The following PPP2R5A variants were observed in gnomAD, a reference collection of about 807,000 sequenced individuals.
PPP2R5A encodes the protein protein phosphatase 2 regulatory subunit B'alpha.
A neutral mutation model predicts 64.2 loss-of-function variants in PPP2R5A; 25 were observed. That is an observed-to-expected ratio of 0.39 (90% CI 0.28 to 0.54). The LOEUF (loss-of-function observed/expected upper bound fraction) is 0.54, where lower values mean the gene tolerates loss of function less well. Ranked by LOEUF, PPP2R5A falls within the 20% of genes least tolerant of loss-of-function variation. PPP2R5A has a pLI of 0.67. For synonymous variants in PPP2R5A, 198 were observed against 201.2 expected, an observed-to-expected ratio of 0.98 and a Z score of 0.13; for missense variants, 425 against 576.3, an observed-to-expected ratio of 0.74 and a Z score of 2.69.
At chr1:212,292,538 C>T (rs1031678387) in intron 1 of PPP2R5A, among the ~76,000 whole-genome samples, 1 of 152,162 alleles carries the variant, frequency 6.6e-6, no homozygotes, top group Non-Finnish European at 1.5e-5. Context: ...TTGGTGCTAT[C>T]TACCAGATGT....
intron 1 of PPP2R5A, among the ~76,000 whole-genome samples, chr1:212,320,794 G>A (rs1437102559): frequency 2.9e-5 from 4 of 140,012 alleles, no homozygotes; most frequent in Non-Finnish European, 6.3e-5. Context: ...CGGATGGTGC[G>A]GCTGGCCGGG....
chr1:212,316,361 T>C (rs1237856965), intron 1 of PPP2R5A, among the ~76,000 whole-genome samples: 1 of 152,130 alleles, frequency 6.6e-6, no homozygotes, highest in African/African-American at 2.4e-5. Context: ...TGGAGAAAGT[T>C]TGAGTGGTCT....
chr1:212,339,423 C>T (rs922225010), intron 3 of PPP2R5A, among the ~76,000 whole-genome samples: 6 of 152,046 alleles, frequency 3.9e-5, no homozygotes, highest in African/African-American at 9.7e-5. Context: ...GTGATCCACC[C>T]GCCTCAGGCT....
chr1:212,300,709 A>T (rs1477073169), intron 1 of PPP2R5A, among the ~76,000 whole-genome samples: 2 of 152,164 alleles, frequency 1.3e-5, no homozygotes, highest in Non-Finnish European at 2.9e-5. Flanking sequence ...GTTTGTGAAT[A>T]AAGTTTTTAT....
intron 3 of PPP2R5A, among the ~76,000 whole-genome samples, chr1:212,336,573 A>G (rs989203779): frequency 6.6e-6 from 1 of 152,210 alleles, no homozygotes; most frequent in Non-Finnish European, 1.5e-5. Context: ...AAAATTTGGC[A>G]TACAGTTTTT....
intron 2 of PPP2R5A, 28 bp from the exon 3 acceptor site, chr1:212,333,469 C>G: frequency 7.2e-7 from 1 of 1,386,222 alleles, no homozygotes; most frequent in Non-Finnish European, 9.8e-7. Context: ...CATACAACAA[C>G]GAACGTAAAA....
At chr1:212,286,314 C>G in intron 1 of PPP2R5A, 23 bp downstream of exon 1, 1 of 1,467,682 alleles carries the variant, frequency 6.8e-7, no homozygotes, top group Non-Finnish European at 9.0e-7. Flanking sequence ...GGCGCAGCCC[C>G]AGCAGCGAGC....
At chr1:212,324,162 A>G (rs1371993927) in intron 1 of PPP2R5A, among the ~76,000 whole-genome samples, 1 of 152,200 alleles carries the variant, frequency 6.6e-6, no homozygotes, top group Non-Finnish European at 1.5e-5. Context: ...TCATTAGACA[A>G]ATTTGTCATT....
At chr1:212,330,151 A>C (rs1659478869) in intron 2 of PPP2R5A, among the ~76,000 whole-genome samples, 1 of 152,190 alleles carries the variant, frequency 6.6e-6, no homozygotes, top group Admixed American at 6.5e-5. Flanking sequence ...TTAATAATTC[A>C]ACCTTATTTT....
chr1:212,340,299 A>G (rs900577612), intron 3 of PPP2R5A, among the ~76,000 whole-genome samples: 1 of 152,120 alleles, frequency 6.6e-6, no homozygotes, highest in Non-Finnish European at 1.5e-5. Context: ...CCTATTCCAC[A>G]GTGATACAGC....
intron 4 of PPP2R5A, among the ~76,000 whole-genome samples, chr1:212,343,183 C>G (rs1309194990): frequency 2.6e-5 from 4 of 152,072 alleles, no homozygotes; most frequent in Non-Finnish European, 5.9e-5. Context: ...GAACTCCTGG[C>G]CTCAAGGGAT....
At chr1:212,339,838 T>G (rs1256743233) in intron 3 of PPP2R5A, among the ~76,000 whole-genome samples, 1 of 151,934 alleles carries the variant, frequency 6.6e-6, no homozygotes, top group Non-Finnish European at 1.5e-5. Flanking sequence ...GGAGAGTAAA[T>G]AGGCTAATGC....
intron 1 of PPP2R5A, among the ~76,000 whole-genome samples, chr1:212,296,645 G>A (rs1164617614): frequency 6.6e-6 from 1 of 152,158 alleles, no homozygotes; most frequent in Non-Finnish European, 1.5e-5. Context: ...TAAAGTGCCT[G>A]CTTTTTGTCT....
At chr1:212,312,283 CAAT>C in intron 1 of PPP2R5A, among the ~76,000 whole-genome samples, 1 of 152,284 alleles carries the variant, frequency 6.6e-6, no homozygotes, top group Admixed American at 6.5e-5. Flanking sequence ...GATATTCACA[CAAT>C]GATGAAACTG....
intron 1 of PPP2R5A, among the ~76,000 whole-genome samples, chr1:212,289,971 G>A (rs1239984236): frequency 6.6e-6 from 1 of 152,188 alleles, no homozygotes; most frequent in Non-Finnish European, 1.5e-5. Context: ...TTTTTACCAA[G>A]CGAAGAAATC....
At chr1:212,350,170 ATAC>A (rs1659851128) in intron 8 of PPP2R5A, among the ~76,000 whole-genome samples, 1 of 152,218 alleles carries the variant, frequency 6.6e-6, no homozygotes, top group Non-Finnish European at 1.5e-5. Flanking sequence ...AAAAAATCAT[ATAC>A]TTAGTATTCT....
chr1:212,332,912 TA>T (rs772862885), intron 2 of PPP2R5A, among the ~76,000 whole-genome samples: 26 of 148,502 alleles, frequency 1.8e-4, no homozygotes, highest in Non-Finnish European at 1.8e-4. Context: ...TTTTTATTTT[TA>T]TTTTTGGAGA....
chr1:212,350,579 A>G (rs1265775113), intron 8 of PPP2R5A, among the ~76,000 whole-genome samples: 2 of 151,736 alleles, frequency 1.3e-5, no homozygotes, highest in African/African-American at 4.8e-5. Context: ...GCTTGAATCC[A>G]GGAGGCGTAG....
intron 1 of PPP2R5A, among the ~76,000 whole-genome samples, chr1:212,312,150 C>G (rs1456573750): frequency 2.0e-5 from 3 of 152,194 alleles, no homozygotes; most frequent in Admixed American, 1.3e-4. Context: ...GATACACTTA[C>G]AGTTGCCTAT....
Sources: allele counts gnomAD v4.1 joint callset (sites outside exome capture counted in the v4.1 genomes callset), GRCh38; gene constraint gnomAD v4.1.1; transcripts MANE v1.5; gene names NCBI Gene and HGNC (gene_info 2026-07-23, HGNC 2026-07-21).